Variants in ZNF532 observed in about 807,000 individuals in gnomAD.
ZNF532 encodes the protein zinc finger protein 532.
Under a neutral mutation model 89.3 loss-of-function variants are expected in ZNF532, and 22 were observed. The observed-to-expected ratio is 0.25, with a 90% CI of 0.18 to 0.35. The LOEUF is 0.35. Among genes scored for constraint, ZNF532 ranks in the 10% least tolerant of loss-of-function variants. The pLI is 1.00. For missense variants in ZNF532, 1,132 were observed against 1,643.4 expected (o/e 0.69, Z 5.38); for synonymous variants, 606 against 649.6 (o/e 0.93, Z 1.02).
At chr18:58,886,371 G>A (rs1602632299) in intron 2 of ZNF532, among the ~76,000 whole-genome samples, 1 of 152,204 alleles carries the variant, frequency 6.6e-6, no homozygotes, top group Admixed American at 6.5e-5. Context: ...GGTAGTGTAT[G>A]TATTGTTTTG....
chr18:58,902,268 G>A (rs772000448), intron 2 of ZNF532, among the ~76,000 whole-genome samples: 22 of 152,288 alleles, frequency 1.4e-4, no homozygotes, highest in Middle Eastern at 3.4e-3. Flanking sequence ...TCTTTGGTTA[G>A]TGCTTGATGG....
chr18:58,911,295 C>T (rs949715473), intron 2 of ZNF532, among the ~76,000 whole-genome samples: 2 of 152,216 alleles, frequency 1.3e-5, no homozygotes, highest in African/African-American at 2.4e-5. Context: ...TTGGCAAAGC[C>T]AGCATGAAGG....
intron 7 of ZNF532, among the ~76,000 whole-genome samples, chr18:58,976,435 C>CCTTT (rs2067061237): frequency 6.6e-6 from 1 of 152,098 alleles, no homozygotes; most frequent in Non-Finnish European, 1.5e-5. Context: ...ATCGAATTTT[C>CCTTT]CTTTCTGTGG....
At chr18:58,909,976 CAT>C (rs2060182143) in intron 2 of ZNF532, among the ~76,000 whole-genome samples, 1 of 152,068 alleles carries the variant, frequency 6.6e-6, no homozygotes, top group African/African-American at 2.4e-5. Flanking sequence ...CAGTGGCTCA[CAT>C]GTTTGTAATC....
chr18:58,865,728 A>G (rs897765432), intron 2 of ZNF532, 149 bp downstream of exon 2: 1 of 152,298 alleles, frequency 6.6e-6, no homozygotes, highest in Non-Finnish European at 1.5e-5. Flanking sequence ...TAATGGGATT[A>G]GAGTGACTTT....
At chr18:58,883,228 T>G (rs930211936) in intron 2 of ZNF532, among the ~76,000 whole-genome samples, 1 of 152,220 alleles carries the variant, frequency 6.6e-6, no homozygotes. Context: ...AAGAGAACTT[T>G]TAAATGAATT....
intron 2 of ZNF532, 29 bp from the exon 3 acceptor site, chr18:58,918,242 G>A: frequency 6.4e-7 from 1 of 1,574,470 alleles, no homozygotes; most frequent in East Asian, 2.2e-5. Flanking sequence ...ACCAATTACT[G>A]ATGGAACTAT....
intron 7 of ZNF532, among the ~76,000 whole-genome samples, chr18:58,977,899 A>G (rs903558246): frequency 5.3e-5 from 8 of 152,208 alleles, no homozygotes; most frequent in African/African-American, 1.7e-4. Context: ...ATCACTTCTT[A>G]GTATTATCTC....
chr18:58,883,812 G>C (rs934238022), intron 2 of ZNF532, among the ~76,000 whole-genome samples: 1 of 152,110 alleles, frequency 6.6e-6, no homozygotes, highest in Non-Finnish European at 1.5e-5. Context: ...AATGTCTCTG[G>C]ACATTGCTAA....
intron 7 of ZNF532, among the ~76,000 whole-genome samples, chr18:58,973,579 GC>G (rs1467142220): frequency 2.6e-5 from 4 of 152,218 alleles, no homozygotes; most frequent in African/African-American, 9.6e-5. Flanking sequence ...GCAGGGGACA[GC>G]CGCTCTGGAA....
At chr18:58,935,005 G>A (rs1335726984) in intron 4 of ZNF532, among the ~76,000 whole-genome samples, 5 of 152,008 alleles carry the variant, frequency 3.3e-5, no homozygotes, top group Non-Finnish European at 5.9e-5. Flanking sequence ...AACAGAAATA[G>A]TGCGATGGTC....
chr18:58,874,661 T>G (rs8088262), intron 2 of ZNF532, among the ~76,000 whole-genome samples: 34,231 of 152,186 alleles, frequency 0.22, 4,435 homozygotes, highest in Middle Eastern at 0.41. Flanking sequence ...ATTTGTAATC[T>G]AGTACTTGAA....
intron 2 of ZNF532, among the ~76,000 whole-genome samples, chr18:58,880,756 G>GCA (rs2057819884): frequency 1.5e-5 from 2 of 133,070 alleles, no homozygotes; most frequent in Admixed American, 1.5e-4. Flanking sequence ...TCATAGGCGC[G>GCA]CGCGCACGCG....
At chr18:58,931,033 A>G (rs903060585) in intron 3 of ZNF532, among the ~76,000 whole-genome samples, 5 of 152,194 alleles carry the variant, frequency 3.3e-5, no homozygotes, top group African/African-American at 1.2e-4. Context: ...TTGAAAAGTA[A>G]TGTTTACTTT....
chr18:58,922,756 A>G lies in ZNF532; in HGVS notation c.2346+2123A>G, dbSNP rs905896098. On this transcript the variant is annotated intron_variant, in intron 3 of 9. Transcript: ENST00000591808. The stretch of plus-strand genomic sequence containing the variant: ...AGAGCGGTCGACTGTGTCCTGGCTT[A>G]GGAGGGTTCTCACTATGAGCTGTGT... Among the ~76,000 whole-genome samples the G allele has an allele frequency of 2.6e-5, 4 of 152,168 alleles. No homozygotes were observed. The South Asian group carries it at 8.3e-4, about 32-fold the overall frequency.
At chr18:58,954,502 A>G (rs1014775973) in intron 7 of ZNF532, among the ~76,000 whole-genome samples, 1 of 152,134 alleles carries the variant, frequency 6.6e-6, no homozygotes, top group African/African-American at 2.4e-5. Flanking sequence ...TCAGGACCCA[A>G]AAAGTCCATA....
At chr18:58,871,308 C>T (rs989529960) in intron 2 of ZNF532, among the ~76,000 whole-genome samples, 1 of 152,170 alleles carries the variant, frequency 6.6e-6, no homozygotes, top group Non-Finnish European at 1.5e-5. Flanking sequence ...TGGACTTGAA[C>T]TCCTTGGCTC....
rs113788418 is a variant in ZNF532 at position 58,935,236 on chromosome 18, C to T, written c.2528+622C>T. ...CCTTCTCCTCCCCTCTCCTTCTCTC[C>T]CTCCTCCCTTTCTCCTCCTCCCTCT... On this transcript the variant is annotated intron_variant, in intron 4 of 9. Coordinates refer to ENST00000591808, the MANE Select transcript of ZNF532 (RefSeq NM_001375912.1). 9.1e-3 allele frequency among the ~76,000 whole-genome samples: 641 copies of T among 70,692 alleles called. 96 individuals are homozygous for T. Among genetic ancestry groups the T allele is most frequent in the African/African-American group, 0.033 (444 of 13,446 alleles). The allele number at this position is 70,692 out of a possible 152,430, so 46.4% of individuals were successfully genotyped here.
chr18:58,902,743 C>G (rs969387078), intron 2 of ZNF532, among the ~76,000 whole-genome samples: 2 of 152,052 alleles, frequency 1.3e-5, no homozygotes, highest in Admixed American at 6.6e-5. Context: ...CCACCTGCCT[C>G]GGCTTCCCAA....
Sources: allele counts gnomAD v4.1 joint callset (sites outside exome capture counted in the v4.1 genomes callset), GRCh38; gene constraint gnomAD v4.1.1; transcripts MANE v1.5; gene names NCBI Gene and HGNC (gene_info 2026-07-23, HGNC 2026-07-21).